The following VEPH1 variants were observed in gnomAD, a reference collection of about 807,000 sequenced individuals.
VEPH1 encodes the protein ventricular zone-expressed PH domain-containing protein homolog 1.
Under a neutral mutation model 85.2 loss-of-function variants are expected in VEPH1, and 80 were observed. The observed-to-expected ratio is 0.94, with a 90% CI of 0.78 to 1.13. The LOEUF is 1.13. VEPH1 is among the 50% of genes most tolerant of loss of function. The probability of loss-of-function intolerance (pLI) is 0.00; values close to 1 mark genes in which losing one functional copy is unlikely to be tolerated. For missense variants in VEPH1, 955 were observed against 980.5 expected (o/e 0.97, Z 0.35); for synonymous variants, 297 against 348.0 (o/e 0.85, Z 1.63).
chr3:157,497,207 T>A (rs1054096665), intron 1 of VEPH1, among the ~76,000 whole-genome samples: 8 of 152,186 alleles, frequency 5.3e-5, no homozygotes, highest in Non-Finnish European at 1.2e-4. Flanking sequence ...ATATTAATGA[T>A]GAAGGTGTGA....
At chr3:157,357,306 C>T (rs1469275020) in intron 9 of VEPH1, among the ~76,000 whole-genome samples, 1 of 152,186 alleles carries the variant, frequency 6.6e-6, no homozygotes, top group African/African-American at 2.4e-5. Flanking sequence ...TGACAGATTT[C>T]ATTTTCAGTC....
intron 4 of VEPH1, among the ~76,000 whole-genome samples, chr3:157,435,683 G>A (rs1404522118): frequency 6.6e-6 from 1 of 152,148 alleles, no homozygotes; most frequent in East Asian, 1.9e-4. Context: ...TGGGATTGTT[G>A]TTTTTGCTTT....
chr3:157,482,476 G>GC (rs1470124484), intron 2 of VEPH1, among the ~76,000 whole-genome samples: 2 of 152,134 alleles, frequency 1.3e-5, no homozygotes, highest in Non-Finnish European at 2.9e-5. Flanking sequence ...ACCTGCCTTG[G>GC]CCCCCCAAAG....
At chr3:157,444,740 A>C (rs1227581188) in intron 4 of VEPH1, among the ~76,000 whole-genome samples, 1 of 152,252 alleles carries the variant, frequency 6.6e-6, no homozygotes, top group Non-Finnish European at 1.5e-5. Context: ...GATAAATGCA[A>C]ACTCATATGC....
intron 9 of VEPH1, among the ~76,000 whole-genome samples, chr3:157,321,047 TAA>T (rs542329574): frequency 3.3e-5 from 5 of 152,188 alleles, no homozygotes; most frequent in Non-Finnish European, 7.4e-5. Flanking sequence ...GGTTTAGAGA[TAA>T]GTGTCTTAAG....
intron 4 of VEPH1, among the ~76,000 whole-genome samples, chr3:157,444,960 C>T (rs1171324969): frequency 6.6e-6 from 1 of 152,134 alleles, no homozygotes; most frequent in African/African-American, 2.4e-5. Flanking sequence ...TGACAGAATC[C>T]TAGCTTTAGT....
intron 5 of VEPH1, among the ~76,000 whole-genome samples, chr3:157,419,378 A>C (rs1416480080): frequency 6.6e-6 from 1 of 152,252 alleles, no homozygotes; most frequent in Admixed American, 6.5e-5. Context: ...CATCAGAGTG[A>C]ACATATAATC....
Position 157,489,385 on chromosome 3 carries a change from G to C in VEPH1, c.138+5827C>G, listed in dbSNP as rs934375124. The C allele has an allele frequency of 4.8e-5, 16 of 336,118 alleles. 1 individual carries two copies. The highest frequency in any genetic ancestry group is 2.8e-4 in the African/African-American group (13 of 46,306). 20.8% of individuals were successfully genotyped at this position (336,118 alleles called of 1,614,324 possible). A position where few individuals can be genotyped will look rare whatever the true frequency, so the allele number is the denominator to read the frequency against. On this transcript the variant is annotated intron_variant, in intron 2 of 13. Transcript: ENST00000362010. ...CTTCTGCCTGAAATGATTTTCTCCA[G>C]TACAGCCACACTGACCTCAGAAACT... is the stretch of plus-strand genomic sequence containing the variant.
intron 9 of VEPH1, among the ~76,000 whole-genome samples, chr3:157,329,345 A>C (rs1351160945): frequency 6.6e-6 from 1 of 151,800 alleles, no homozygotes; most frequent in East Asian, 1.9e-4. Flanking sequence ...AACTGAAGGC[A>C]ACAGGAATCG....
At chr3:157,411,593 T>A (rs1731533737) in intron 6 of VEPH1, among the ~76,000 whole-genome samples, 2 of 152,192 alleles carry the variant, frequency 1.3e-5, no homozygotes, top group South Asian at 4.1e-4. Flanking sequence ...GTAGGCATTC[T>A]ATGGGATCCA....
intron 6 of VEPH1, among the ~76,000 whole-genome samples, chr3:157,388,491 A>G (rs1729531422): frequency 6.6e-6 from 1 of 152,096 alleles, no homozygotes; most frequent in Admixed American, 6.5e-5. Flanking sequence ...CTCCTTAATC[A>G]TGGGCAAATC....
chr3:157,282,604 G>A (rs917172241), intron 12 of VEPH1, among the ~76,000 whole-genome samples: 6 of 152,214 alleles, frequency 3.9e-5, no homozygotes, highest in African/African-American at 1.4e-4. Context: ...TTTGTAGGGT[G>A]TAAGAACAAA....
At chr3:157,302,980 A>G (rs1263177766) in intron 11 of VEPH1, among the ~76,000 whole-genome samples, 5 of 152,176 alleles carry the variant, frequency 3.3e-5, no homozygotes, top group African/African-American at 1.2e-4. Context: ...CTATTTTTCA[A>G]TGTTTTATAG....
intron 4 of VEPH1, chr3:157,437,647 C>A: frequency 6.5e-7 from 1 of 1,547,846 alleles, no homozygotes; most frequent in Non-Finnish European, 8.7e-7. Context: ...GCAGAGGCTG[C>A]GGGAGGAGCT....
At chr3:157,438,031 G>GCACACACACACA (rs1213951055) in intron 4 of VEPH1, 1 of 819,914 alleles carries the variant, frequency 1.2e-6, no homozygotes, top group African/African-American at 2.1e-5. Flanking sequence ...GCGCGCGCGC[G>GCACACACACACA]CGCGCGCACA....
At chr3:157,327,348 C>T (rs2108582835) in intron 9 of VEPH1, among the ~76,000 whole-genome samples, 1 of 152,294 alleles carries the variant, frequency 6.6e-6, no homozygotes, top group Non-Finnish European at 1.5e-5. Context: ...TTCAAATGAG[C>T]AGTTGGGATT....
intron 2 of VEPH1, among the ~76,000 whole-genome samples, chr3:157,487,329 T>G (rs1738741656): frequency 6.6e-6 from 1 of 152,048 alleles, no homozygotes; most frequent in Non-Finnish European, 1.5e-5. Flanking sequence ...CTAATAAACT[T>G]GAAAACTCAG....
intron 2 of VEPH1, among the ~76,000 whole-genome samples, chr3:157,483,697 T>C (rs1044724006): frequency 5.3e-5 from 8 of 152,064 alleles, no homozygotes; most frequent in African/African-American, 1.9e-4. Context: ...ATATCTCACA[T>C]AGAGATGGAA....
chr3:157,443,990 G>A (rs1212743121), intron 4 of VEPH1, among the ~76,000 whole-genome samples: 2 of 152,200 alleles, frequency 1.3e-5, no homozygotes, highest in African/African-American at 4.8e-5. Flanking sequence ...GCTTAGGAAT[G>A]TTATTTGGGA....
Sources: allele counts gnomAD v4.1 joint callset (sites outside exome capture counted in the v4.1 genomes callset), GRCh38; gene constraint gnomAD v4.1.1; transcripts MANE v1.5; gene names NCBI Gene and HGNC (gene_info 2026-07-23, HGNC 2026-07-21).